Variants in TTC28 observed in about 807,000 individuals in gnomAD.
TTC28 encodes tetratricopeptide repeat protein 28.
In TTC28, 61 loss-of-function variants were observed where a neutral mutation model predicts 198.0. The observed-to-expected ratio is 0.31, with a 90% CI of 0.25 to 0.38. The LOEUF (loss-of-function observed/expected upper bound fraction) is 0.38. Among genes scored for constraint, TTC28 ranks in the 10% least tolerant of loss-of-function variants. The pLI, the probability that TTC28 is intolerant of heterozygous loss-of-function variation, is 1.00. For missense variants in TTC28, 2,678 were observed against 3,164.0 expected (o/e 0.85, Z 3.69); for synonymous variants, 1,171 against 1,297.8 (o/e 0.90, Z 2.10).
intron 2 of TTC28, among the ~76,000 whole-genome samples, chr22:28,425,270 G>C (rs754915579): frequency 6.6e-6 from 1 of 152,130 alleles, no homozygotes; most frequent in East Asian, 1.9e-4. Flanking sequence ...TCCAATACAA[G>C]CCTATTATAC....
chr22:28,514,543 G>T (rs764607378), intron 2 of TTC28, among the ~76,000 whole-genome samples: 3 of 152,214 alleles, frequency 2.0e-5, no homozygotes, highest in Non-Finnish European at 4.4e-5. Flanking sequence ...GGAAGCTGGA[G>T]AATTAAGAAG....
intron 2 of TTC28, among the ~76,000 whole-genome samples, chr22:28,464,264 C>A (rs569618572): frequency 6.6e-6 from 1 of 152,288 alleles, no homozygotes; most frequent in East Asian, 1.9e-4. Flanking sequence ...GGACTTTGAA[C>A]TGGATGTGAT....
intron 2 of TTC28, among the ~76,000 whole-genome samples, chr22:28,521,467 C>T (rs1422753799): frequency 2.0e-5 from 3 of 151,950 alleles, no homozygotes; most frequent in Admixed American, 6.6e-5. Flanking sequence ...TAAGCAGCTA[C>T]GATTAGAAAA....
At chr22:28,063,850 G>A (rs1940647042) in intron 12 of TTC28, among the ~76,000 whole-genome samples, 1 of 152,090 alleles carries the variant, frequency 6.6e-6, no homozygotes, top group African/African-American at 2.4e-5. Flanking sequence ...TAGCATGTGA[G>A]GGAATGGAGA....
In TTC28 at chr22:28,105,398, T is replaced by C. The variant is rs1346325361; in HGVS notation, c.3188A>G (p.His1063Arg). ...FERAVVYQEQ[H>R]LSIAAQMNDL... Reference sequence around the variant, plus strand: ...ATTCATCTGTGCAGCAATGCTCAAGTGCTGTTCTTGATAGACCACAGCCCT... The same window carrying C: ...ATTCATCTGTGCAGCAATGCTCAAGCGCTGTTCTTGATAGACCACAGCCCT... Residue 1063 changes from histidine (H) to arginine (R), a missense_variant, in exon 8 of 23, where the codon CAC (histidine) becomes CGC (arginine). By Grantham distance (29) the His-to-Arg change is conservative (BLOSUM62 0). Around this residue, in one of 8 missense-constraint regions of TTC28, gnomAD observed 727 missense variants for 861.9 expected, o/e 0.84. Transcript: ENST00000397906. The C allele has an allele frequency of 5.8e-6, 9 of 1,551,722 alleles. No individual in the cohort carries two copies. In the Admixed American group the frequency reaches 1.2e-4, roughly 20 times the overall value.
chr22:28,106,533 A>G (rs1942309893), intron 7 of TTC28, among the ~76,000 whole-genome samples: 1 of 152,184 alleles, frequency 6.6e-6, no homozygotes, highest in Admixed American at 6.5e-5. Context: ...AACTATTAAG[A>G]TATCTGTGCA....
chr22:28,488,243 C>A (rs936356438), intron 2 of TTC28, among the ~76,000 whole-genome samples: 2 of 152,124 alleles, frequency 1.3e-5, no homozygotes, highest in African/African-American at 2.4e-5. Context: ...AGACCTGCAC[C>A]CTTCAGCACC....
At chr22:28,639,096 A>G (rs959600363) in intron 1 of TTC28, among the ~76,000 whole-genome samples, 2 of 152,246 alleles carry the variant, frequency 1.3e-5, no homozygotes, top group East Asian at 1.9e-4. Flanking sequence ...TGTAAACAAA[A>G]TAACATATAT....
rs527635077 is a variant in TTC28 at position 28,313,606 on chromosome 22, A to G, written c.382-6963T>C. On this transcript the variant is annotated intron_variant, in intron 2 of 22. Coordinates refer to ENST00000397906, the MANE Select transcript of TTC28 (RefSeq NM_001145418.2). The stretch of plus-strand genomic sequence containing the variant: ...CCATCACATAAACAGAACCAATGAC[A>G]AAAACCACATGATTATCTCAATAGA... 3.5e-4 allele frequency among the ~76,000 whole-genome samples: 53 copies of G among 152,346 alleles called. 2 individuals are homozygous for G. Among genetic ancestry groups the G allele is most frequent in the African/African-American group, 1.2e-3 (51 of 41,580 alleles).
chr22:28,029,869 AC>A lies in TTC28; in HGVS notation c.4073+356del, dbSNP rs1939001973. Among the ~76,000 whole-genome samples the A allele has an allele frequency of 4.6e-5, 7 of 152,306 alleles. No individual in the cohort carries two copies. The South Asian group carries it at 6.2e-4, about 14-fold the overall frequency. ...AGTGCAGGTACCTGGCCCAGGAGTT[AC>A]CTGCAGAAGCTGGCAAAGAAGTATG... On this transcript the variant is annotated intron_variant, in intron 13 of 22. Transcript: ENST00000397906.
chr22:28,121,583 T>C (rs1012124935), intron 6 of TTC28, among the ~76,000 whole-genome samples: 5 of 152,226 alleles, frequency 3.3e-5, no homozygotes, highest in Admixed American at 6.5e-5. Flanking sequence ...ATTGAGATTG[T>C]ATAGCAAATT....
rs1361400796 is a variant in TTC28 at position 28,257,739 on chromosome 22, C to CACAT, written c.933+38458_933+38459insATGT. Among the ~76,000 whole-genome samples the CACAT allele has an allele frequency of 4.1e-5, 4 of 96,576 alleles. No homozygotes were observed. The East Asian group carries it at 1.4e-3, about 34-fold the overall frequency. 63.4% of individuals were successfully genotyped at this position (96,576 alleles called of 152,430 possible). ...TTACCATCTTTAGATGGTAATAGAACATATATATATATATATATATATATA... is the reference window on the plus strand; with the variant it reads ...TTACCATCTTTAGATGGTAATAGAACACATATATATATATATATATATATATATA... On this transcript the variant is annotated intron_variant, in intron 5 of 22. Transcript: ENST00000397906.
chr22:28,198,875 C>G (rs994974181), intron 5 of TTC28, among the ~76,000 whole-genome samples: 1 of 152,086 alleles, frequency 6.6e-6, no homozygotes, highest in Non-Finnish European at 1.5e-5. Context: ...AAATCACTTC[C>G]ACTTACATTC....
At chr22:28,469,171 C>T (rs992438692) in intron 2 of TTC28, among the ~76,000 whole-genome samples, 2 of 152,154 alleles carry the variant, frequency 1.3e-5, no homozygotes, top group African/African-American at 2.4e-5. Context: ...CTTCAGACTA[C>T]CTCTTGTGGG....
At chr22:28,247,909 G>A (rs2147267230) in intron 5 of TTC28, among the ~76,000 whole-genome samples, 1 of 152,256 alleles carries the variant, frequency 6.6e-6, no homozygotes, top group Non-Finnish European at 1.5e-5. Flanking sequence ...TTTAAGTAAG[G>A]TAGGCACATG....
intron 12 of TTC28, among the ~76,000 whole-genome samples, chr22:28,087,843 T>C (rs1941668051): frequency 6.6e-6 from 1 of 152,018 alleles, no homozygotes; most frequent in African/African-American, 2.4e-5. Context: ...GGTACAAAAA[T>C]CACAAGCATT....
intron 2 of TTC28, among the ~76,000 whole-genome samples, chr22:28,495,225 C>G (rs1449408840): frequency 6.6e-6 from 1 of 152,054 alleles, no homozygotes; most frequent in Non-Finnish European, 1.5e-5. Context: ...GGGAAGTTGT[C>G]CATTAAGTAA....
At chr22:28,427,827 C>A (rs2047373061) in intron 2 of TTC28, among the ~76,000 whole-genome samples, 1 of 151,614 alleles carries the variant, frequency 6.6e-6, no homozygotes, top group Non-Finnish European at 1.5e-5. Context: ...TAAATTAAGT[C>A]GAATAAAGGT....
At chr22:28,214,401 C>G (rs964871114) in intron 5 of TTC28, among the ~76,000 whole-genome samples, 1 of 152,190 alleles carries the variant, frequency 6.6e-6, no homozygotes. Flanking sequence ...GGGCGAATAT[C>G]CAGAATCTAC....
Sources: gnomAD v4.1 joint callset for allele counts (sites outside exome capture counted in the v4.1 genomes callset) on GRCh38, gnomAD v4.1.1 for gene constraint, gnomAD v4.1.1 regional missense constraint, MANE v1.5 for transcripts, NCBI Gene and HGNC (gene_info 2026-07-23, HGNC 2026-07-21) for gene names.